The following TOGARAM1 variants were observed in gnomAD, a reference collection of about 807,000 sequenced individuals.
The protein encoded by TOGARAM1 is TOG array regulator of axonemal microtubules 1.
A neutral mutation model predicts 166.6 loss-of-function variants in TOGARAM1; 100 were observed. The ratio of observed to expected loss-of-function variants is 0.60; its 90% CI spans 0.51 to 0.71. The LOEUF (loss-of-function observed/expected upper bound fraction) is 0.71, where lower values mean the gene tolerates loss of function less well. Ranked by LOEUF, TOGARAM1 falls within the 30% of genes least tolerant of loss-of-function variation. TOGARAM1 has a pLI of 0.00. For synonymous variants in TOGARAM1, 758 were observed against 763.8 expected (o/e 0.99, Z 0.13); for missense variants, 2,029 against 2,102.7 (o/e 0.96, Z 0.69).
chr14:44,975,454 G>A (rs775798503), intron 1 of TOGARAM1, among the ~76,000 whole-genome samples: 7 of 151,720 alleles, frequency 4.6e-5, no homozygotes, highest in African/African-American at 9.7e-5. Context: ...CTAAACCACC[G>A]TTCCCCTTTT....
intron 18 of TOGARAM1, among the ~76,000 whole-genome samples, chr14:45,070,734 C>T (rs947279343): frequency 1.3e-5 from 2 of 152,122 alleles, no homozygotes; most frequent in Admixed American, 6.6e-5. Flanking sequence ...CAGAGGTTGG[C>T]TCCCCTAACC....
chr14:45,058,786 T>G (rs1472612248), intron 16 of TOGARAM1, among the ~76,000 whole-genome samples: 2 of 152,202 alleles, frequency 1.3e-5, no homozygotes, highest in African/African-American at 2.4e-5. Context: ...GTCATATTGT[T>G]AAGTGTTATC....
At chr14:44,980,451 G>A (rs1037356784) in intron 1 of TOGARAM1, among the ~76,000 whole-genome samples, 3 of 152,118 alleles carry the variant, frequency 2.0e-5, no homozygotes, top group African/African-American at 4.8e-5. Flanking sequence ...TGAGGGAAGC[G>A]GAGCAGATCA....
rs144723507 is a variant in TOGARAM1 at position 45,062,708 on chromosome 14, A to G, written c.4560-3870A>G. On this transcript the variant is annotated intron_variant, in intron 16 of 19. Transcript: ENST00000361462. Reference sequence around the variant, plus strand: ...TATTCAATAAATTATTCATTATAAAATAGGCTTTGTGGTAGATTATTTGCC... The same window carrying G: ...TATTCAATAAATTATTCATTATAAAGTAGGCTTTGTGGTAGATTATTTGCC... Among the ~76,000 whole-genome samples, 28 of 152,326 alleles carry G rather than the reference A, an allele frequency of 1.8e-4. No individual in the cohort carries two copies. In the Middle Eastern group the frequency reaches 0.02, roughly 111 times the overall value.
chr14:45,018,103 C>T (rs185398128), intron 7 of TOGARAM1, among the ~76,000 whole-genome samples: 10 of 152,244 alleles, frequency 6.6e-5, no homozygotes, highest in East Asian at 1.9e-4. Flanking sequence ...TTTTTAACTG[C>T]ATACTCCTTT....
intron 5 of TOGARAM1, chr14:45,007,228 T>TTTCC (rs1443454578): frequency 7.9e-5 from 12 of 152,050 alleles, no homozygotes; most frequent in Admixed American, 7.9e-4. Flanking sequence ...ACATATGTCT[T>TTTCC]TATGTTAAAC....
At position 45,028,349 on chromosome 14, in the gene TOGARAM1, T is replaced by C; in HGVS notation, c.3658+20T>C. 2 of 1,579,822 alleles carry C rather than the reference T, an allele frequency of 1.3e-6. No individual in the cohort carries two copies. Among genetic ancestry groups the C allele is most frequent in the Non-Finnish European group, 8.5e-7 (1 of 1,170,980 alleles). ...CTGAAAGTAAGTGGAATTTAAGTTTTGGTATTTTTTTTTTCTAGTAATTGT... is the reference window on the plus strand; with the variant it reads ...CTGAAAGTAAGTGGAATTTAAGTTTCGGTATTTTTTTTTTCTAGTAATTGT... On this transcript the variant is annotated intron_variant, in intron 10 of 19. Coordinates refer to ENST00000361462, the MANE Select transcript of TOGARAM1 (RefSeq NM_001308120.2).
At chr14:44,973,703 A>G (rs995459724) in intron 1 of TOGARAM1, among the ~76,000 whole-genome samples, 6 of 151,608 alleles carry the variant, frequency 4.0e-5, no homozygotes, top group Non-Finnish European at 7.4e-5. Flanking sequence ...ACTAACAACA[A>G]CTTCTTTCAA....
At chr14:45,022,682 G>A (rs1880591187) in intron 7 of TOGARAM1, among the ~76,000 whole-genome samples, 1 of 151,962 alleles carries the variant, frequency 6.6e-6, no homozygotes, top group Non-Finnish European at 1.5e-5. Flanking sequence ...TCTGAGTACT[G>A]TGGCTTGGTT....
At chr14:45,043,583 C>A in intron 11 of TOGARAM1, 103 bp from the exon 12 acceptor site, 1 of 731,852 alleles carries the variant, frequency 1.4e-6, no homozygotes, top group Non-Finnish European at 2.4e-6. Flanking sequence ...CTTTCTGAAC[C>A]TCTTCCTTGG....
intron 7 of TOGARAM1, among the ~76,000 whole-genome samples, chr14:45,024,713 A>C (rs947180605): frequency 6.6e-6 from 1 of 152,170 alleles, no homozygotes; most frequent in African/African-American, 2.4e-5. Context: ...GTGTGTACTA[A>C]TTTTGATTGC....
chr14:45,048,164 C>G (rs1882173089), intron 14 of TOGARAM1, among the ~76,000 whole-genome samples: 1 of 150,850 alleles, frequency 6.6e-6, no homozygotes, highest in African/African-American at 2.4e-5. Context: ...CCATTCTGGC[C>G]AACATGGTGA....
intron 1 of TOGARAM1, among the ~76,000 whole-genome samples, chr14:44,969,176 T>C (rs376680146): frequency 2.7e-4 from 35 of 131,864 alleles, no homozygotes; most frequent in South Asian, 2.5e-3. Context: ...TCTTTTCTTT[T>C]TTTTTTTTTG....
rs1236040795 is a variant in TOGARAM1 at position 45,074,244 on chromosome 14, C to T, written c.*683C>T. ...AATGTAACCCCCCTATTTTTGTGTG[C>T]AAACACTAAATTTTATTGCTTTATG... is the stretch of plus-strand genomic sequence containing the variant. On this transcript the variant is annotated 3_prime_UTR_variant, in exon 20 of 20. Coordinates refer to ENST00000361462, the MANE Select transcript of TOGARAM1 (RefSeq NM_001308120.2). The T allele has an allele frequency of 1.3e-5, 2 of 152,540 alleles. No individual in the cohort carries two copies. The highest frequency in any genetic ancestry group is 2.4e-5 in the African/African-American group (1 of 41,428). The allele number at this position is 152,540 out of a possible 1,614,324, so 9.4% of individuals were successfully genotyped here.
In TOGARAM1 at chr14:44,963,691, C is replaced by T; in HGVS notation, c.1270C>T (p.Arg424Cys). ...TLEVLHLLVIRLGEQVQQFLG... is the reference protein window; with the variant it reads ...TLEVLHLLVICLGEQVQQFLG... The stretch of plus-strand genomic sequence containing the variant: ...TGAAGTCCTGCATTTACTGGTTATT[C>T]GCCTTGGAGAGCAGGTACAGCAGTT... Residue 424 changes from arginine (R) to cysteine (C), a missense_variant, in exon 1 of 20, where the codon CGC becomes TGC. Around this residue, in one of 2 missense-constraint regions of TOGARAM1, gnomAD observed 1,453 missense variants for 1,432.2 expected, o/e 1.01. Coordinates refer to ENST00000361462, the MANE Select transcript of TOGARAM1 (RefSeq NM_001308120.2). 1 of 1,613,734 alleles carries T rather than the reference C, an allele frequency of 6.2e-7. No individual in the cohort carries two copies. Among genetic ancestry groups the T allele is most frequent in the Non-Finnish European group, 8.5e-7 (1 of 1,180,030 alleles).
At position 44,962,327 on chromosome 14, in the gene TOGARAM1, C is replaced by G. The variant is rs1885186698; in HGVS notation, c.-95C>G. The G allele has an allele frequency of 7.1e-7, 1 of 1,415,718 alleles. No homozygotes were observed. The highest frequency in any genetic ancestry group is 9.3e-7 in the Non-Finnish European group (1 of 1,075,746). The allele number at this position is 1,415,718 out of a possible 1,614,324, so 87.7% of individuals were successfully genotyped here. A position where few individuals can be genotyped will look rare whatever the true frequency, so the allele number is the denominator to read the frequency against. The stretch of plus-strand genomic sequence containing the variant: ...AGCTGTTCTTTTGCCTCTTCTGCAG[C>G]TTGGGGCTTGGAGAGGATCTGGAAG... On this transcript the variant is annotated 5_prime_UTR_variant, in exon 1 of 20. Transcript: ENST00000361462.
intron 5 of TOGARAM1, 28 bp from the exon 6 acceptor site, chr14:45,008,885 A>ACC: frequency 2.6e-6 from 4 of 1,549,720 alleles, no homozygotes; most frequent in Non-Finnish European, 3.5e-6. Flanking sequence ...TTTATGTTAT[A>ACC]AAGTTTATTG....
chr14:45,066,687 C>T lies in TOGARAM1; in HGVS notation c.4669C>T (p.Arg1557Cys), dbSNP rs752360247. The T allele has an allele frequency of 1.7e-5, 27 of 1,613,828 alleles. No homozygotes were observed. Among genetic ancestry groups the T allele is most frequent in the Middle Eastern group, 1.7e-4 (1 of 6,058 alleles). The change falls in exon 17 of 20, where the codon CGT becomes TGT. Residue 1557 changes from arginine (R) to cysteine (C), a missense_variant. By Grantham distance (180) the Arg-to-Cys change is radical (BLOSUM62 -3). Coordinates refer to ENST00000361462, the MANE Select transcript of TOGARAM1 (RefSeq NM_001308120.2). ...ITGLLNAKDF[R>C]DRINGIKQLL... ...TGGCTTATTAAATGCAAAAGACTTT[C>T]GTGATCGTATTAATGGGATTAAGCA...
intron 7 of TOGARAM1, among the ~76,000 whole-genome samples, chr14:45,022,699 A>T (rs558854675): frequency 1.3e-5 from 2 of 152,090 alleles, no homozygotes; most frequent in Non-Finnish European, 1.5e-5. Flanking sequence ...GGTTTCCTGG[A>T]GGGGATTACC....
Sources: allele counts gnomAD v4.1 joint callset (sites outside exome capture counted in the v4.1 genomes callset), GRCh38; gene constraint gnomAD v4.1.1; regional missense constraint gnomAD v4.1.1; transcripts MANE v1.5; gene names NCBI Gene and HGNC (gene_info 2026-07-23, HGNC 2026-07-21).